The following PIGF variants were observed in gnomAD, a reference collection of about 807,000 sequenced individuals.
PIGF encodes phosphatidylinositol glycan anchor biosynthesis class F.
A neutral mutation model predicts 26.0 loss-of-function variants in PIGF; 23 were observed. The ratio of observed to expected loss-of-function variants is 0.88; its 90% confidence interval spans 0.64 to 1.25. The LOEUF (loss-of-function observed/expected upper bound fraction) is 1.25, where lower values mean the gene tolerates loss of function less well. Ranked by LOEUF, PIGF falls within the 50% of genes most tolerant of loss-of-function variation. PIGF has a pLI of 0.00. For missense variants in PIGF, 278 were observed against 249.9 expected (o/e 1.11, Z -0.76); for synonymous variants, 93 against 92.6 (o/e 1.00, Z -0.03).
intron 4 of PIGF, among the ~76,000 whole-genome samples, chr2:46,603,220 A>G (rs570689358): frequency 2.6e-5 from 4 of 152,168 alleles, no homozygotes; most frequent in South Asian, 2.1e-4. Context: ...GAGGACACAA[A>G]AAATGGAAAG....
intron 4 of PIGF, among the ~76,000 whole-genome samples, chr2:46,600,244 T>C (rs185959387): frequency 3.3e-5 from 5 of 152,328 alleles, no homozygotes; most frequent in Admixed American, 3.3e-4. Flanking sequence ...CAGGGAAACC[T>C]ACACTCTATT....
intron 1 of PIGF, 130 bp downstream of exon 1, chr2:46,616,840 G>A: frequency 3.5e-6 from 1 of 285,576 alleles, no homozygotes; most frequent in Non-Finnish European, 6.8e-6. Context: ...GGGCACGCCG[G>A]AAGAGTGGCG....
intron 4 of PIGF, among the ~76,000 whole-genome samples, chr2:46,611,124 T>C (rs1670401001): frequency 6.6e-6 from 1 of 152,164 alleles, no homozygotes; most frequent in South Asian, 2.1e-4. Flanking sequence ...ATTGCTGGAT[T>C]TACACATTTG....
intron 5 of PIGF, among the ~76,000 whole-genome samples, chr2:46,591,191 C>G (rs1459849440): frequency 2.6e-5 from 4 of 151,952 alleles, no homozygotes; most frequent in African/African-American, 4.8e-5. Flanking sequence ...ATATTTTACA[C>G]AAATAATCGA....
chr2:46,591,801 A>G, intron 5 of PIGF: 8 of 1,271,462 alleles, frequency 6.3e-6, no homozygotes, highest in Non-Finnish European at 8.2e-6. Context: ...AAGAGCACTT[A>G]CCTCACAGTG....
intron 4 of PIGF, among the ~76,000 whole-genome samples, chr2:46,599,137 CAA>C (rs774457037): frequency 6.6e-6 from 1 of 152,146 alleles, no homozygotes; most frequent in Non-Finnish European, 1.5e-5. Context: ...ACTTATTCCC[CAA>C]AGAGATTGTA....
At chr2:46,592,683 G>T (rs1572771065) in intron 4 of PIGF, 100 bp from the exon 5 acceptor site, 1 of 615,702 alleles carries the variant, frequency 1.6e-6, no homozygotes, top group Non-Finnish European at 3.0e-6. Context: ...TATATTTCCT[G>T]CTAATTTAAA....
intron 4 of PIGF, among the ~76,000 whole-genome samples, chr2:46,597,852 C>T (rs1669937753): frequency 1.3e-5 from 2 of 152,266 alleles, no homozygotes; most frequent in South Asian, 4.2e-4. Context: ...CTCTTTATTG[C>T]TGGTTATCAA....
chr2:46,614,736 A>G (rs1670552368), intron 2 of PIGF: 1 of 490,062 alleles, frequency 2.0e-6, no homozygotes, highest in Admixed American at 3.8e-5. Flanking sequence ...TCATAATTCC[A>G]TAATTAATGC....
chr2:46,598,156 A>C (rs1388295990), intron 4 of PIGF, among the ~76,000 whole-genome samples: 1 of 151,962 alleles, frequency 6.6e-6, no homozygotes, highest in East Asian at 1.9e-4. Flanking sequence ...TTATTCCCCA[A>C]AAGTTTTCTT....
Position 46,615,003 on chromosome 2 carries a change from G to T in PIGF, c.162C>A (p.Val54=). ...TCACTACTAAATATAGTACTAGATTGACAGCAGTTACAAAACCAGAACAGA... is the reference window on the plus strand; with the variant it reads ...TCACTACTAAATATAGTACTAGATTTACAGCAGTTACAAAACCAGAACAGA... ...LCICSGFVTA[V]NLVLYLVVKP... The change falls in exon 2 of 6, where the codon GTC becomes GTA. Residue 54 remains valine (V), a synonymous_variant. Coordinates refer to ENST00000281382, the MANE Select transcript of PIGF (RefSeq NM_002643.4). 1 of 1,608,174 alleles carries T rather than the reference G, an allele frequency of 6.2e-7. No homozygotes were observed. Among genetic ancestry groups the T allele is most frequent in the South Asian group, 1.1e-5 (1 of 90,898 alleles).
chr2:46,588,564 C>T lies in PIGF; in HGVS notation c.546+3911G>A. The T allele has an allele frequency of 6.3e-6, 1 of 158,666 alleles. No homozygotes were observed. The highest frequency in any genetic ancestry group is 1.4e-5 in the Non-Finnish European group (1 of 72,162). 9.8% of individuals were successfully genotyped at this position (158,666 alleles called of 1,614,324 possible). On this transcript the variant is annotated intron_variant, in intron 5 of 5. Coordinates refer to ENST00000281382, the MANE Select transcript of PIGF (RefSeq NM_002643.4). This position sits in a 1 kb window ranked among gnomAD's most constrained non-coding sequence, Gnocchi z 4.1. Reference sequence around the variant, plus strand: ...TCAACCCAGTAATCTGATGCCAGAACTCCTAATCATCATGTTACCTGCCTA... The same window carrying T: ...TCAACCCAGTAATCTGATGCCAGAATTCCTAATCATCATGTTACCTGCCTA...
chr2:46,599,261 G>C (rs1669984239), intron 4 of PIGF, among the ~76,000 whole-genome samples: 1 of 152,130 alleles, frequency 6.6e-6, no homozygotes. Context: ...GCTTGTATTA[G>C]TTTTTATTTA....
intron 5 of PIGF, among the ~76,000 whole-genome samples, chr2:46,585,122 AC>A (rs1336725342): frequency 1.3e-5 from 2 of 152,206 alleles, no homozygotes; most frequent in Non-Finnish European, 2.9e-5. Context: ...ATTCAGCTGC[AC>A]TGCTATAAAG....
At chr2:46,586,458 A>G (rs1669575234) in intron 5 of PIGF, among the ~76,000 whole-genome samples, 1 of 152,190 alleles carries the variant, frequency 6.6e-6, no homozygotes, top group Admixed American at 6.5e-5. Flanking sequence ...AATATTACTT[A>G]TAATTTTGGG....
intron 1 of PIGF, 98 bp from the exon 2 acceptor site, chr2:46,615,283 C>T (rs1200369036): frequency 1.6e-6 from 1 of 614,244 alleles, no homozygotes; most frequent in African/African-American, 1.8e-5. Context: ...AGTCAATTTT[C>T]TATGAGCAAT....
rs555581587 is a variant in PIGF, at chr2:46,600,771, GTTAC to G, written c.438-8192_438-8189del. Among the ~76,000 whole-genome samples, 438 of 152,152 alleles carry G rather than the reference GTTAC, an allele frequency of 2.9e-3. 2 individuals are homozygous for G. Among genetic ancestry groups the G allele is most frequent in the Non-Finnish European group, 4.4e-3 (299 of 67,962 alleles). On this transcript the variant is annotated intron_variant, in intron 4 of 5. Coordinates refer to ENST00000281382, the MANE Select transcript of PIGF (RefSeq NM_002643.4). ...AAACCAATATAAGCTGAAGTTTTAT[GTTAC>G]TTATAGAGATACAGTAGCTAAGAAT...
chr2:46,586,250 A>G (rs1312714896), intron 5 of PIGF, among the ~76,000 whole-genome samples: 1 of 152,208 alleles, frequency 6.6e-6, no homozygotes, highest in Non-Finnish European at 1.5e-5. Flanking sequence ...AATTTTAAGT[A>G]CAGATAGTGG....
intron 5 of PIGF, among the ~76,000 whole-genome samples, chr2:46,584,821 A>C (rs1335055031): frequency 6.6e-6 from 1 of 152,220 alleles, no homozygotes; most frequent in African/African-American, 2.4e-5. Context: ...TTGAAGATCA[A>C]AATAGATTAT....
Sources: gnomAD v4.1 joint callset for allele counts (sites outside exome capture counted in the v4.1 genomes callset) on GRCh38, gnomAD v4.1.1 for gene constraint, Gnocchi (gnomAD v3.1) non-coding constraint, MANE v1.5 for transcripts, NCBI Gene and HGNC (gene_info 2026-07-23, HGNC 2026-07-21) for gene names.